Variants in IL12RB1 observed in about 807,000 individuals in gnomAD.
The protein encoded by IL12RB1 is interleukin-12 receptor subunit beta-1.
In IL12RB1, 64 loss-of-function variants were observed where a neutral mutation model predicts 94.4. That is an observed-to-expected ratio of 0.68 (90% CI 0.55 to 0.83). The LOEUF is 0.83. Ranked by LOEUF, IL12RB1 falls within the 40% of genes least tolerant of loss-of-function variation. The pLI is 0.00. For missense variants in IL12RB1, 814 were observed against 855.6 expected, an observed-to-expected ratio of 0.95 and a Z score of 0.61; for synonymous variants, 362 against 355.5, an observed-to-expected ratio of 1.02 and a Z score of -0.21.
chr19:18,059,564 A>T lies in IL12RB1; in HGVS notation c.*44T>A. 2.6e-6 allele frequency: 2 copies of T among 778,734 alleles called. No individual in the cohort carries two copies. Among genetic ancestry groups the T allele is most frequent in the Admixed American group, 1.7e-5 (1 of 58,650 alleles). The allele number at this position is 778,734 out of a possible 1,614,324, so 48.2% of individuals were successfully genotyped here. On this transcript the variant is annotated 3_prime_UTR_variant, in exon 17 of 17. Coordinates refer to ENST00000593993, the MANE Select transcript of IL12RB1 (RefSeq NM_005535.3). ...TCCAAATGTGACTCCTGTGTGTGCTACGTAGCCTCGGGCGAGTCACTCACC... is the reference window on the plus strand; with the variant it reads ...TCCAAATGTGACTCCTGTGTGTGCTTCGTAGCCTCGGGCGAGTCACTCACC...
intron 9 of IL12RB1, among the ~76,000 whole-genome samples, chr19:18,071,857 G>GT (rs1219391736): frequency 6.6e-6 from 1 of 152,084 alleles, no homozygotes; most frequent in East Asian, 1.9e-4. Flanking sequence ...TAGAGACTGG[G>GT]TTTCACCACG....
chr19:18,062,206 CGCCCACGAGAAGGAT>C lies in IL12RB1; in HGVS notation c.1675_1689del (p.Ile559_Gly563del), dbSNP rs867204010. ...CTGTTCAGGCCAAGGTAGCCAAGGA[CGCCCACGAGAAGGAT>C]GCTCAGGAAGCTCCCCAGGGAGGCG... On this transcript the variant is annotated inframe_deletion, in exon 14 of 17. Transcript: ENST00000593993. 3 of 1,612,668 alleles carry C rather than the reference CGCCCACGAGAAGGAT, an allele frequency of 1.9e-6. No homozygotes were observed. Among genetic ancestry groups the C allele is most frequent in the Non-Finnish European group, 2.5e-6 (3 of 1,179,030 alleles).
At chr19:18,093,735 T>C (rs910473657) in intron 1 of IL12RB1, among the ~76,000 whole-genome samples, 7 of 152,030 alleles carry the variant, frequency 4.6e-5, no homozygotes, top group African/African-American at 1.7e-4. Flanking sequence ...AGGGAGAACT[T>C]TGAGGCAGAG....
chr19:18,077,341 G>A lies in IL12RB1; in HGVS notation c.549+175C>T, dbSNP rs556596032. ...CATGCCACTGCACTCCAGCCTGGGC[G>A]ACAGAGCAAGGCTCCGTCTCAGAAA... On this transcript the variant is annotated intron_variant, in intron 5 of 16. Transcript: ENST00000593993. Among the ~76,000 whole-genome samples, 6 of 151,760 alleles carry A rather than the reference G, an allele frequency of 4.0e-5. No homozygotes were observed. The East Asian group carries it at 9.7e-4, about 25-fold the overall frequency.
In IL12RB1 at chr19:18,077,523, C is replaced by A; in HGVS notation, c.542G>T (p.Trp181Leu). Residue 181 changes from tryptophan (W) to leucine (L), a missense_variant, in exon 5 of 17, where the codon TGG becomes TTG. Transcript: ENST00000593993. ...QFRHRTPSSP[W>L]KLGDCGPQDD... The stretch of plus-strand genomic sequence containing the variant: ...CTTGGGAAACAAACTCACCAACTTC[C>A]ATGGGCTGCTGGGTGTCCGGTGCCG... The A allele has an allele frequency of 6.2e-7, 1 of 1,610,506 alleles. No individual in the cohort carries two copies. The highest frequency in any genetic ancestry group is 8.5e-7 in the Non-Finnish European group (1 of 1,178,170).
intron 4 of IL12RB1, among the ~76,000 whole-genome samples, chr19:18,078,572 TTCTGGTAAGCAATTTACAAAAGTGCCTG>T (rs2035651521): frequency 6.7e-6 from 1 of 149,372 alleles, no homozygotes; most frequent in Admixed American, 6.7e-5. Flanking sequence ...GGGTAATCAA[TTCTGGTAAGCAATTTACAAAAGTGCCTG>T]TCTCTTGGGG....
chr19:18,093,326 A>G (rs893210054), intron 1 of IL12RB1, among the ~76,000 whole-genome samples: 1 of 142,474 alleles, frequency 7.0e-6, no homozygotes, highest in Non-Finnish European at 1.5e-5. Flanking sequence ...AAACAAAAAA[A>G]CACAAATATA....
At chr19:18,067,087 G>A (rs974557408) in intron 11 of IL12RB1, among the ~76,000 whole-genome samples, 4 of 150,926 alleles carry the variant, frequency 2.7e-5, no homozygotes, top group African/African-American at 2.4e-5. Flanking sequence ...ATATTGGGAG[G>A]CCAAGGTGGG....
At chr19:18,077,930 T>G (rs1198694253) in intron 4 of IL12RB1, among the ~76,000 whole-genome samples, 1 of 152,024 alleles carries the variant, frequency 6.6e-6, no homozygotes, top group Non-Finnish European at 1.5e-5. Context: ...CTGGGCAACA[T>G]AGTGAGACCC....
chr19:18,084,068 CATCCATCCATGTATTT>C (rs2036131029), intron 1 of IL12RB1, among the ~76,000 whole-genome samples: 1 of 151,224 alleles, frequency 6.6e-6, no homozygotes, highest in Non-Finnish European at 1.5e-5. Flanking sequence ...CCCATTTACC[CATCCATCCATGTATTT>C]ATCCATCCAT....
chr19:18,078,799 C>T (rs923980508), intron 4 of IL12RB1, among the ~76,000 whole-genome samples: 4 of 152,044 alleles, frequency 2.6e-5, no homozygotes, highest in Admixed American at 1.3e-4. Flanking sequence ...CTTGCTGCAC[C>T]GTGGTCATAC....
At chr19:18,077,706 T>G in intron 4 of IL12RB1, 51 bp from the exon 5 acceptor site, 1 of 1,202,662 alleles carries the variant, frequency 8.3e-7, no homozygotes, top group South Asian at 1.2e-5. Flanking sequence ...GTATGTGAGT[T>G]AATGGGCCCT....
chr19:18,097,744 A>C (rs1305725099), intron 1 of IL12RB1: 4 of 1,122,428 alleles, frequency 3.6e-6, no homozygotes, highest in South Asian at 8.8e-5. Context: ...GGGGCCTGGC[A>C]GGCCGGGGCG....
chr19:18,067,662 G>C (rs1222652392), intron 11 of IL12RB1, among the ~76,000 whole-genome samples: 1 of 152,118 alleles, frequency 6.6e-6, no homozygotes, highest in African/African-American at 2.4e-5. Flanking sequence ...AATTATCCAG[G>C]CATGGTAGTG....
chr19:18,082,208 C>G lies in IL12RB1; in HGVS notation c.181G>C (p.Glu61Gln). 1 of 1,613,916 alleles carries G rather than the reference C, an allele frequency of 6.2e-7. No individual in the cohort carries two copies. Among genetic ancestry groups the G allele is most frequent in the African/African-American group, 1.3e-5 (1 of 75,008 alleles). ...RCYRISSDRY[E>Q]CSWQYEGPTA... ...GGACCCTCATACTGCCAGGAGCACTCGTAACGATCACTGGATATCCGATAG... is the reference window on the plus strand; with the variant it reads ...GGACCCTCATACTGCCAGGAGCACTGGTAACGATCACTGGATATCCGATAG... Residue 61 changes from glutamate to glutamine, a missense_variant, in exon 3 of 17, where the codon GAG (glutamate) becomes CAG (glutamine). Transcript: ENST00000593993.
intron 1 of IL12RB1, chr19:18,097,686 GGGCCA>G: frequency 1.4e-6 from 1 of 695,344 alleles, no homozygotes; most frequent in Non-Finnish European, 1.9e-6. Context: ...GGGAGGGGCG[GGGCCA>G]GGCCGTGTCA....
intron 1 of IL12RB1, among the ~76,000 whole-genome samples, chr19:18,095,023 G>C (rs1304077499): frequency 6.6e-6 from 1 of 151,868 alleles, no homozygotes; most frequent in Non-Finnish European, 1.5e-5. Context: ...TACTAAAAAT[G>C]CAAAAATTAG....
intron 1 of IL12RB1, among the ~76,000 whole-genome samples, chr19:18,093,595 A>G (rs564427585): frequency 1.3e-5 from 2 of 152,264 alleles, no homozygotes; most frequent in East Asian, 3.9e-4. Flanking sequence ...CTCTTTCCCC[A>G]GGATTCCAGT....
In IL12RB1 at chr19:18,059,611, C is replaced by T. The variant is rs776582848; in HGVS notation, c.1986G>A (p.Met662Ile). 3.8e-6 allele frequency: 3 copies of T among 780,510 alleles called. No homozygotes were observed. Among genetic ancestry groups the T allele is most frequent in the Non-Finnish European group, 4.8e-6 (2 of 417,894 alleles). The allele number at this position is 780,510 out of a possible 1,614,324, so 48.3% of individuals were successfully genotyped here. The change falls in exon 17 of 17, where the codon ATG becomes ATA. Residue 662 changes from methionine to isoleucine, a missense_variant and splice_region_variant. Coordinates refer to ENST00000593993, the MANE Select transcript of IL12RB1 (RefSeq NM_005535.3). ...CACCCTCTCTGAGCCTCAACGATCACATCTGTAAAGTACAACAGTCATGGT... is the reference window on the plus strand; with the variant it reads ...CACCCTCTCTGAGCCTCAACGATCATATCTGTAAAGTACAACAGTCATGGT... ...LEDGDRCKAK[M>I]
Sources: gnomAD v4.1 joint callset for allele counts (sites outside exome capture counted in the v4.1 genomes callset) on GRCh38, gnomAD v4.1.1 for gene constraint, MANE v1.5 for transcripts, NCBI Gene and HGNC (gene_info 2026-07-23, HGNC 2026-07-21) for gene names.